Variants in TYW1B observed in about 807,000 individuals in gnomAD.
TYW1B encodes the protein tRNA-yW synthesizing protein 1 homolog B.
In TYW1B, 73 loss-of-function variants were observed where a neutral mutation model predicts 86.9. The observed-to-expected ratio is 0.84, with a 90% CI of 0.70 to 1.02. The LOEUF (loss-of-function observed/expected upper bound fraction) is 1.02, where lower values mean the gene tolerates loss of function less well. Ranked by LOEUF, TYW1B falls within the 50% of genes least tolerant of loss-of-function variation. The pLI is 0.00. For missense variants in TYW1B, 637 were observed against 827.4 expected (o/e 0.77, Z 2.82); for synonymous variants, 248 against 292.8 (o/e 0.85, Z 1.56).
At chr7:72,590,051 T>G (rs1428968209) in intron 13 of TYW1B, among the ~76,000 whole-genome samples, 1 of 152,232 alleles carries the variant, frequency 6.6e-6, no homozygotes, top group African/African-American at 2.4e-5. Flanking sequence ...TCTGGGAAGA[T>G]GCTGGAGTAG....
chr7:72,803,053 T>C (rs1404328498), intron 5 of TYW1B, among the ~76,000 whole-genome samples: 8 of 152,170 alleles, frequency 5.3e-5, no homozygotes, highest in Middle Eastern at 3.4e-3. Context: ...CTGGGGAACA[T>C]AGCAAGACCA....
rs575647878 is a variant in TYW1B, at chr7:72,755,540, G to A, written c.965-10939C>T. Among the ~76,000 whole-genome samples the A allele has an allele frequency of 1.6e-3, 246 of 152,266 alleles. 2 individuals carry two copies. Among genetic ancestry groups the A allele is most frequent in the South Asian group, 3.9e-3 (19 of 4,818 alleles). On this transcript the variant is annotated intron_variant, in intron 7 of 13. Transcript: ENST00000620995. ...AAAATACAAATGTTAGCCAGGCGTG[G>A]TGGTGCATGCCTATAATCGCAGCTA...
intron 13 of TYW1B, among the ~76,000 whole-genome samples, chr7:72,578,158 G>T (rs1463919167): frequency 6.9e-6 from 1 of 145,682 alleles, no homozygotes; most frequent in African/African-American, 2.6e-5. Context: ...CTGTCACCCA[G>T]GCTGGAGTGC....
At chr7:72,661,958 T>C (rs1813338235) in intron 11 of TYW1B, among the ~76,000 whole-genome samples, 1 of 152,062 alleles carries the variant, frequency 6.6e-6, no homozygotes, top group African/African-American at 2.4e-5. Flanking sequence ...TCTAGAAAAC[T>C]AGGCAGTCTC....
chr7:72,658,192 A>G (rs1392805303), intron 11 of TYW1B, among the ~76,000 whole-genome samples: 1 of 152,194 alleles, frequency 6.6e-6, no homozygotes, highest in Non-Finnish European at 1.5e-5. Context: ...TGGAACTTGC[A>G]GTAAGCTGAG....
At chr7:72,801,154 TC>T (rs1275955618) in intron 6 of TYW1B, among the ~76,000 whole-genome samples, 2 of 151,804 alleles carry the variant, frequency 1.3e-5, no homozygotes, top group Non-Finnish European at 2.9e-5. Flanking sequence ...CATGGTGAAA[TC>T]CCGTCTCTAC....
At chr7:72,597,507 C>T (rs1554432822) in intron 13 of TYW1B, among the ~76,000 whole-genome samples, 1 of 151,868 alleles carries the variant, frequency 6.6e-6, no homozygotes, top group East Asian at 1.9e-4. Context: ...GAGAAATAAG[C>T]AAAAATTCCA....
intron 11 of TYW1B, among the ~76,000 whole-genome samples, chr7:72,687,044 G>C (rs1272216882): frequency 6.6e-6 from 1 of 152,114 alleles, no homozygotes; most frequent in Non-Finnish European, 1.5e-5. Flanking sequence ...TCACAAATAG[G>C]ACAGGAAAAG....
At chr7:72,800,331 G>T (rs539917165) in intron 6 of TYW1B, among the ~76,000 whole-genome samples, 3 of 151,822 alleles carry the variant, frequency 2.0e-5, no homozygotes, top group Non-Finnish European at 4.4e-5. Context: ...CCAAGCAGTT[G>T]TGACTACGGG....
chr7:72,802,093 C>A (rs1215908545), intron 6 of TYW1B, among the ~76,000 whole-genome samples: 1 of 151,584 alleles, frequency 6.6e-6, no homozygotes, highest in Admixed American at 6.6e-5. Context: ...TATGTGCGGC[C>A]CAAGACATTT....
At chr7:72,731,349 A>T (rs1250992445) in intron 8 of TYW1B, among the ~76,000 whole-genome samples, 30 of 150,602 alleles carry the variant, frequency 2.0e-4, no homozygotes, top group African/African-American at 5.4e-4. Flanking sequence ...AATGAGATTA[A>T]AAAAAGTATT....
At chr7:72,786,271 G>A (rs1277905521) in intron 6 of TYW1B, among the ~76,000 whole-genome samples, 5 of 152,026 alleles carry the variant, frequency 3.3e-5, no homozygotes, top group Non-Finnish European at 1.5e-5. Context: ...ACGAAAACTG[G>A]TAGCTTATTT....
intron 11 of TYW1B, among the ~76,000 whole-genome samples, chr7:72,675,797 T>C (rs1813723275): frequency 6.6e-6 from 1 of 152,078 alleles, no homozygotes; most frequent in Admixed American, 6.6e-5. Flanking sequence ...TAATAGATTA[T>C]TCAGATCAGA....
intron 13 of TYW1B, among the ~76,000 whole-genome samples, chr7:72,579,995 C>G (rs1811115797): frequency 6.6e-6 from 1 of 152,270 alleles, no homozygotes; most frequent in African/African-American, 2.4e-5. Context: ...TAGATCAGGG[C>G]TTACCCCTAT....
At chr7:72,810,088 G>A (rs1554477693) in intron 4 of TYW1B, among the ~76,000 whole-genome samples, 3 of 151,268 alleles carry the variant, frequency 2.0e-5, no homozygotes, top group Non-Finnish European at 2.9e-5. Flanking sequence ...AACTAGCCTG[G>A]CTGGCATGGT....
chr7:72,735,184 C>T (rs1554460754), intron 8 of TYW1B, among the ~76,000 whole-genome samples: 1 of 152,156 alleles, frequency 6.6e-6, no homozygotes, highest in Non-Finnish European at 1.5e-5. Context: ...TCACAATCGC[C>T]AAGATACAGA....
intron 6 of TYW1B, among the ~76,000 whole-genome samples, chr7:72,778,064 G>A (rs375930182): frequency 7.6e-4 from 115 of 152,274 alleles, no homozygotes; most frequent in African/African-American, 2.5e-3. Context: ...CTTTTGTTAA[G>A]TAACTATATA....
chr7:72,818,574 A>T (rs1177464886), intron 2 of TYW1B, among the ~76,000 whole-genome samples: 16 of 121,344 alleles, frequency 1.3e-4, no homozygotes, highest in African/African-American at 6.1e-4. Context: ...GCGAGACTCC[A>T]TCTCAAAAAA....
chr7:72,781,779 G>A (rs1283709970), intron 6 of TYW1B, among the ~76,000 whole-genome samples: 1 of 152,022 alleles, frequency 6.6e-6, no homozygotes, highest in Non-Finnish European at 1.5e-5. Flanking sequence ...CATCACACTT[G>A]CGTTGAAAGA....
Sources: allele counts gnomAD v4.1 joint callset (sites outside exome capture counted in the v4.1 genomes callset), GRCh38; gene constraint gnomAD v4.1.1; transcripts MANE v1.5; gene names NCBI Gene and HGNC (gene_info 2026-07-23, HGNC 2026-07-21).